The following ATAD5 variants were observed in gnomAD, a reference collection of about 807,000 sequenced individuals.
ATAD5 encodes the protein ATPase family AAA domain containing 5.
Under a neutral mutation model 176.9 loss-of-function variants are expected in ATAD5, and 58 were observed. The ratio of observed to expected loss-of-function variants is 0.33; its 90% CI spans 0.27 to 0.41. The LOEUF is 0.41. Ranked by LOEUF, ATAD5 falls within the 10% of genes least tolerant of loss-of-function variation. The pLI is 1.00. For missense variants in ATAD5, 1,789 were observed against 2,094.1 expected (o/e 0.85, Z 2.84); for synonymous variants, 640 against 712.6 (o/e 0.90, Z 1.62).
chr17:30,868,961 C>T (rs559943106), intron 12 of ATAD5, among the ~76,000 whole-genome samples: 71 of 150,834 alleles, frequency 4.7e-4, no homozygotes, highest in African/African-American at 1.6e-3. Context: ...CTCAGCCTAC[C>T]GAGTACCTGG....
intron 6 of ATAD5, among the ~76,000 whole-genome samples, chr17:30,850,833 TTATATA>T (rs1312470807): frequency 0.011 from 310 of 27,792 alleles, 3 homozygotes; most frequent in Admixed American, 0.031. Flanking sequence ...TTATATATTT[TTATATA>T]TATATATATA....
intron 15 of ATAD5, 122 bp downstream of exon 15, chr17:30,876,672 C>T (rs138482310): frequency 5.9e-5 from 17 of 290,132 alleles, no homozygotes; most frequent in Middle Eastern, 2.4e-3. Flanking sequence ...ACTGAAGGTT[C>T]TACATGTAGA....
At position 30,834,799 on chromosome 17, in the gene ATAD5, G is replaced by A. The variant is rs1477035725; in HGVS notation, c.718G>A (p.Glu240Lys). ...AGATGGTAAAGATACTAAACAGATG[G>A]AGAATACTACAAGCCATGCAAACTC... ...KKDGKDTKQM[E>K]NTTSHANSRD... is the part of the protein sequence containing the mutation. Residue 240 changes from glutamate to lysine, a missense_variant, in exon 2 of 23, where the codon GAG becomes AAG. By Grantham distance (56) the Glu-to-Lys change is moderately conservative (BLOSUM62 1). Transcript: ENST00000321990. The A allele has an allele frequency of 1.9e-6, 3 of 1,613,904 alleles. No individual in the cohort carries two copies. Among genetic ancestry groups the A allele is most frequent in the East Asian group, 2.2e-5 (1 of 44,880 alleles).
At chr17:30,859,396 G>A (rs1431598548) in intron 9 of ATAD5, among the ~76,000 whole-genome samples, 5 of 151,978 alleles carry the variant, frequency 3.3e-5, no homozygotes, top group Admixed American at 3.3e-4. Context: ...GTCTTGCTCT[G>A]ACACCCAGGC....
At chr17:30,836,253 A>C (rs1203760904) in intron 2 of ATAD5, among the ~76,000 whole-genome samples, 1 of 150,700 alleles carries the variant, frequency 6.6e-6, no homozygotes, top group Non-Finnish European at 1.5e-5. Flanking sequence ...ATCTCGGCTC[A>C]CTGCAACCTC....
chr17:30,850,495 G>A (rs1333630665), intron 6 of ATAD5, among the ~76,000 whole-genome samples: 7 of 151,576 alleles, frequency 4.6e-5, no homozygotes, highest in African/African-American at 1.5e-4. Flanking sequence ...CAAATAGCTG[G>A]AACCACAGAT....
chr17:30,859,783 G>A (rs979513980), intron 9 of ATAD5, among the ~76,000 whole-genome samples: 3 of 145,274 alleles, frequency 2.1e-5, no homozygotes, highest in African/African-American at 7.5e-5. Context: ...CCAGGCAGTG[G>A]TGTGATCTCG....
chr17:30,868,172 A>T (rs1182935364), intron 11 of ATAD5, among the ~76,000 whole-genome samples, 161 bp from the exon 12 acceptor site: 1 of 152,208 alleles, frequency 6.6e-6, no homozygotes. Flanking sequence ...TGCCATATAA[A>T]GCTGTACTAG....
chr17:30,857,221 A>ATTT, intron 8 of ATAD5, 109 bp downstream of exon 8: 1 of 1,262,132 alleles, frequency 7.9e-7, no homozygotes, highest in East Asian at 2.8e-5. Context: ...CCTAGAGTTT[A>ATTT]ATTTTTTTTT....
chr17:30,893,576 G>A lies in ATAD5; in HGVS notation c.4723G>A (p.Asp1575Asn), dbSNP rs1240621105. 1 of 1,613,664 alleles carries A rather than the reference G, an allele frequency of 6.2e-7. No individual in the cohort carries two copies. The highest frequency in any genetic ancestry group is 2.2e-5 in the East Asian group (1 of 44,864). The change falls in exon 21 of 23, where the codon GAT (aspartate) becomes AAT (asparagine). Residue 1575 changes from aspartate to asparagine, a missense_variant. By Grantham distance (23) the Asp-to-Asn change is conservative. This residue lies in a region of ATAD5 where 403 missense variants were observed against 495.1 expected (regional missense o/e 0.81). Transcript: ENST00000321990. ...AAAGAAAACATTGGTAATATTAGAT[G>A]ATAGTGATCTATTTGACACTGACTT... ...KQKKTLVILDDSDLFDTDLDF... is the reference protein window; with the variant it reads ...KQKKTLVILDNSDLFDTDLDF...
chr17:30,834,173 A>T lies in ATAD5; in HGVS notation c.92A>T (p.Asp31Val), dbSNP rs1323046269. The T allele has an allele frequency of 5.7e-6, 9 of 1,568,350 alleles. No homozygotes were observed. Among genetic ancestry groups the T allele is most frequent in the Admixed American group, 2.1e-5 (1 of 48,722 alleles). Residue 31 changes from aspartate (D) to valine (V), a missense_variant, in exon 2 of 23, where the codon GAT becomes GTT. Physicochemically the swap from Asp to Val is radical, Grantham distance 152. Transcript: ENST00000321990. Reference sequence around the variant, plus strand: ...CCATGCAAAAAGCGAAAGAAAGATGATGACACATCTACCTGCAAAACAATT... The same window carrying T: ...CCATGCAAAAAGCGAAAGAAAGATGTTGACACATCTACCTGCAAAACAATT... ...IEPCKKRKKDDDTSTCKTITK... is the reference protein window; with the variant it reads ...IEPCKKRKKDVDTSTCKTITK...
chr17:30,845,310 A>C (rs1200042916), intron 6 of ATAD5, among the ~76,000 whole-genome samples: 1 of 152,174 alleles, frequency 6.6e-6, no homozygotes, highest in Admixed American at 6.6e-5. Flanking sequence ...TTAAACATTC[A>C]TTGGGTCAAC....
At chr17:30,849,149 G>A (rs1906716278) in intron 6 of ATAD5, among the ~76,000 whole-genome samples, 1 of 152,196 alleles carries the variant, frequency 6.6e-6, no homozygotes, top group African/African-American at 2.4e-5. Context: ...AGGATTACAG[G>A]TGTGAGCCAC....
chr17:30,879,007 T>C (rs1463551568), intron 17 of ATAD5, among the ~76,000 whole-genome samples: 1 of 152,016 alleles, frequency 6.6e-6, no homozygotes, highest in Non-Finnish European at 1.5e-5. Flanking sequence ...GCTGGGATCA[T>C]AGGCATGAGG....
chr17:30,889,479 A>G (rs1909508793), intron 19 of ATAD5, among the ~76,000 whole-genome samples: 1 of 142,098 alleles, frequency 7.0e-6, no homozygotes, highest in South Asian at 2.1e-4. Flanking sequence ...CTATATGAGT[A>G]TATATATATA....
At chr17:30,854,432 C>A (rs1907170761) in intron 6 of ATAD5, among the ~76,000 whole-genome samples, 2 of 132,038 alleles carry the variant, frequency 1.5e-5, no homozygotes, top group Admixed American at 8.8e-5. Flanking sequence ...AGTGAAGTGG[C>A]ATGATCTCGG....
chr17:30,876,458 C>A lies in ATAD5; in HGVS notation c.3692C>A (p.Ala1231Glu). Reference sequence around the variant, plus strand: ...CCAAAAAGTAGTGGACCAAAGCGAGCACTTCCTCCCAAAACCTTGGCAAAT... The same window carrying A: ...CCAAAAAGTAGTGGACCAAAGCGAGAACTTCCTCCCAAAACCTTGGCAAAT... ...PSPKSSGPKRALPPKTLANYF... is the reference protein window; with the variant it reads ...PSPKSSGPKRELPPKTLANYF... Residue 1231 changes from alanine (A) to glutamate (E), a missense_variant, in exon 15 of 23, where the codon GCA (alanine) becomes GAA (glutamate). Ala to Glu is a moderately radical substitution (Grantham distance 107). Around this residue, in one of 6 missense-constraint regions of ATAD5, gnomAD observed 194 missense variants for 270.1 expected, o/e 0.72. Transcript: ENST00000321990. The A allele has an allele frequency of 6.2e-7, 1 of 1,610,260 alleles. No individual in the cohort carries two copies. The highest frequency in any genetic ancestry group is 8.5e-7 in the Non-Finnish European group (1 of 1,177,482).
At chr17:30,850,529 T>G (rs1906813834) in intron 6 of ATAD5, among the ~76,000 whole-genome samples, 1 of 151,796 alleles carries the variant, frequency 6.6e-6, no homozygotes, top group South Asian at 2.1e-4. Context: ...TCCAGCTAAT[T>G]GTTTTTTTGG....
At chr17:30,838,886 G>T (rs189249301) in intron 3 of ATAD5, among the ~76,000 whole-genome samples, 58 of 152,256 alleles carry the variant, frequency 3.8e-4, no homozygotes, top group African/African-American at 1.3e-3. Flanking sequence ...TTACCACAGG[G>T]CCCTTGTTGT....
Sources: allele counts gnomAD v4.1 joint callset (sites outside exome capture counted in the v4.1 genomes callset), GRCh38; gene constraint gnomAD v4.1.1; regional missense constraint gnomAD v4.1.1; transcripts MANE v1.5; gene names NCBI Gene and HGNC (gene_info 2026-07-23, HGNC 2026-07-21).